TRAP1: variants seen among roughly 807,000 people sequenced by gnomAD.
The protein encoded by TRAP1 is TNF receptor associated protein 1.
In TRAP1, 102 loss-of-function variants were observed where a neutral mutation model predicts 89.1. That is an observed-to-expected ratio of 1.15 (90% CI 0.98 to 1.35). The LOEUF is 1.35. Among genes scored for constraint, TRAP1 ranks in the 40% most tolerant of loss-of-function variants. The probability of loss-of-function intolerance (pLI) is 0.00; values close to 1 mark genes in which losing one functional copy is unlikely to be tolerated. For missense variants in TRAP1, 1,256 were observed against 945.3 expected (o/e 1.33, Z -4.31); for synonymous variants, 508 against 388.0 (o/e 1.31, Z -3.64).
intron 5 of TRAP1, 65 bp downstream of exon 5, chr16:3,679,654 C>T: frequency 1.9e-6 from 3 of 1,559,826 alleles, no homozygotes; most frequent in Non-Finnish European, 2.7e-6. Flanking sequence ...CCAGGGCCAC[C>T]CCTACTGGAG....
At chr16:3,702,909 G>A (rs1295544756) in intron 1 of TRAP1, among the ~76,000 whole-genome samples, 7 of 151,362 alleles carry the variant, frequency 4.6e-5, no homozygotes, top group Admixed American at 3.9e-4. Flanking sequence ...AGGTGTTGTC[G>A]TGGATGCCTG....
chr16:3,697,435 C>G (rs922715853), intron 1 of TRAP1, among the ~76,000 whole-genome samples: 4 of 151,874 alleles, frequency 2.6e-5, no homozygotes, highest in African/African-American at 9.7e-5. Flanking sequence ...GAGGCCGAGG[C>G]GGGAGGATCA....
chr16:3,711,235 C>T (rs1296364451), intron 1 of TRAP1, among the ~76,000 whole-genome samples: 1 of 152,038 alleles, frequency 6.6e-6, no homozygotes, highest in South Asian at 2.1e-4. Context: ...CTGAGCCATT[C>T]CTTTTAAAAC....
At chr16:3,702,735 A>G (rs2051383712) in intron 1 of TRAP1, among the ~76,000 whole-genome samples, 1 of 151,430 alleles carries the variant, frequency 6.6e-6, no homozygotes, top group Admixed American at 6.6e-5. Context: ...ACAAAGTGAG[A>G]CCCTGTCTTT....
At position 3,658,738 on chromosome 16, in the gene TRAP1, G is replaced by C. The variant is rs1341208752; in HGVS notation, c.2013+55C>G. ...AACCGCTGTTCCACCCTGAAGGCAG[G>C]CTGGCAGGGCTGGTAGCCTGGGTCC... On this transcript the variant is annotated intron_variant, in intron 17 of 17. Coordinates refer to ENST00000246957, the MANE Select transcript of TRAP1 (RefSeq NM_016292.3). 8.4e-6 allele frequency: 13 copies of C among 1,542,766 alleles called. No homozygotes were observed. In the Admixed American group the frequency reaches 1.2e-4, roughly 15 times the overall value.
chr16:3,665,252 C>G (rs1323705480), intron 12 of TRAP1: 1 of 152,224 alleles, frequency 6.6e-6, no homozygotes, highest in Non-Finnish European at 1.5e-5. Context: ...CCTTGGGACC[C>G]CACACACGTG....
At chr16:3,717,139 GA>G (rs2051608296) in intron 1 of TRAP1, among the ~76,000 whole-genome samples, 1 of 152,222 alleles carries the variant, frequency 6.6e-6, no homozygotes, top group Non-Finnish European at 1.5e-5. Flanking sequence ...CAGGAGGGAC[GA>G]CCCCGCAGCC....
At chr16:3,676,241 G>C in intron 6 of TRAP1, 96 bp from the exon 7 acceptor site, 1 of 1,030,242 alleles carries the variant, frequency 9.7e-7, no homozygotes, top group Non-Finnish European at 1.4e-6. Flanking sequence ...CATAGGCAGA[G>C]CCCAAACAAC....
intron 1 of TRAP1, 26 bp downstream of exon 1, chr16:3,717,395 T>G (rs1567251390): frequency 6.9e-6 from 7 of 1,014,874 alleles, no homozygotes; most frequent in Non-Finnish European, 7.6e-6. Flanking sequence ...GCCCGCCCGC[T>G]GCCCGTCCAG....
chr16:3,703,972 G>A (rs1417408525), intron 1 of TRAP1, among the ~76,000 whole-genome samples: 2 of 148,908 alleles, frequency 1.3e-5, no homozygotes, highest in East Asian at 1.9e-4. Flanking sequence ...CCGAGATCGC[G>A]CCACTGCACT....
chr16:3,703,085 G>C (rs1048639622), intron 1 of TRAP1, among the ~76,000 whole-genome samples: 1 of 119,788 alleles, frequency 8.3e-6, no homozygotes, highest in African/African-American at 3.3e-5. Context: ...TAAGATGGTA[G>C]AATACAAAAA....
At position 3,658,082 on chromosome 16, in the gene TRAP1, A is replaced by G. The variant is rs1381004348; in HGVS notation, c.*47T>C. 5 of 1,609,724 alleles carry G rather than the reference A, an allele frequency of 3.1e-6. No homozygotes were observed. On this transcript the variant is annotated 3_prime_UTR_variant, in exon 18 of 18. Transcript: ENST00000246957. ...AAATTTAGGTAAATAAAGCTCAAGG[A>G]GGTGGGGCTGTCATCTGTGGTGTCA...
At position 3,699,651 on chromosome 16, in the gene TRAP1, AG is replaced by A. The variant is rs1378716331; in HGVS notation, c.89-8667del. On this transcript the variant is annotated intron_variant, in intron 1 of 17. Coordinates refer to ENST00000246957, the MANE Select transcript of TRAP1 (RefSeq NM_016292.3). ...TCTCAAAAAAAAAAAAAAAAAAAAA[AG>A]ATTTATTCATGTATTTACTATTTCT... is the stretch of plus-strand genomic sequence containing the variant. Among the ~76,000 whole-genome samples the A allele has an allele frequency of 2.7e-4, 40 of 145,506 alleles. 1 individual carries two copies. The South Asian group carries it at 8.1e-3, about 30-fold the overall frequency.
At chr16:3,675,839 T>C (rs1282576660) in intron 7 of TRAP1, among the ~76,000 whole-genome samples, 197 bp downstream of exon 7, 1 of 152,200 alleles carries the variant, frequency 6.6e-6, no homozygotes, top group Non-Finnish European at 1.5e-5. Context: ...GCCAGCTTCC[T>C]CCCAGTCCCA....
chr16:3,699,656 T>G (rs1413579854), intron 1 of TRAP1, among the ~76,000 whole-genome samples: 1 of 150,190 alleles, frequency 6.7e-6, no homozygotes, highest in Non-Finnish European at 1.5e-5. Context: ...AAAAAAGATT[T>G]ATTCATGTAT....
intron 4 of TRAP1, among the ~76,000 whole-genome samples, chr16:3,684,090 C>T (rs868168338): frequency 6.6e-6 from 1 of 151,956 alleles, no homozygotes; most frequent in East Asian, 1.9e-4. Context: ...CACTTAAATC[C>T]GGGGGGCAGA....
intron 3 of TRAP1, among the ~76,000 whole-genome samples, chr16:3,687,838 A>G (rs1240092827): frequency 7.1e-6 from 1 of 141,826 alleles, no homozygotes; most frequent in Non-Finnish European, 1.5e-5. Flanking sequence ...TCAGACCCAG[A>G]CCCTGTTCCA....
intron 1 of TRAP1, among the ~76,000 whole-genome samples, chr16:3,693,806 A>G (rs896880726): frequency 6.6e-5 from 10 of 152,058 alleles, no homozygotes; most frequent in Non-Finnish European, 1.5e-4. Context: ...CAGCCTGGGC[A>G]AGAAAGTGAG....
intron 3 of TRAP1, 41 bp downstream of exon 3, chr16:3,689,014 G>C (rs1221751611): frequency 1.9e-6 from 3 of 1,557,638 alleles, no homozygotes; most frequent in South Asian, 1.2e-5. Flanking sequence ...TTTGTGAAAA[G>C]AAACTTTGCT....
Sources: allele counts gnomAD v4.1 joint callset (sites outside exome capture counted in the v4.1 genomes callset), GRCh38; gene constraint gnomAD v4.1.1; transcripts MANE v1.5; gene names NCBI Gene and HGNC (gene_info 2026-07-23, HGNC 2026-07-21).